CLIP1: variants seen among roughly 807,000 people sequenced by gnomAD.
CLIP1 encodes the protein CAP-Gly domain-containing linker protein 1.
In CLIP1, 66 loss-of-function variants were observed where a neutral mutation model predicts 161.6. That is an observed-to-expected ratio of 0.41 (90% CI 0.33 to 0.50). The LOEUF is 0.50. CLIP1 is among the 20% of genes least tolerant of loss of function. CLIP1 has a pLI of 0.27. For missense variants in CLIP1, 1,376 were observed against 1,702.0 expected, an observed-to-expected ratio of 0.81 and a Z score of 3.37; for synonymous variants, 598 against 626.2, an observed-to-expected ratio of 0.96 and a Z score of 0.67.
intron 3 of CLIP1, among the ~76,000 whole-genome samples, chr12:122,376,206 G>A (rs1954721604): frequency 6.6e-6 from 1 of 151,974 alleles, no homozygotes; most frequent in Admixed American, 6.5e-5. Flanking sequence ...CAAACTACTG[G>A]GATTACAGGA....
chr12:122,276,487 C>G (rs929203901), intron 24 of CLIP1: 3 of 1,288,426 alleles, frequency 2.3e-6, no homozygotes, highest in Admixed American at 4.6e-5. Flanking sequence ...TGAAACAAAC[C>G]GAAGCAGAAA....
chr12:122,390,303 T>C (rs1190770146), intron 1 of CLIP1, among the ~76,000 whole-genome samples: 4 of 131,432 alleles, frequency 3.0e-5, no homozygotes, highest in African/African-American at 5.8e-5. Flanking sequence ...TATATATATA[T>C]GTATATATAT....
At position 122,355,193 on chromosome 12, in the gene CLIP1, C is replaced by T; in HGVS notation, c.1125G>A (p.Arg375=). 6.2e-7 allele frequency: 1 copy of T among 1,614,252 alleles called. No homozygotes were observed. The highest frequency in any genetic ancestry group is 1.1e-5 in the South Asian group (1 of 91,086). The change falls in exon 6 of 26, where the codon AGG becomes AGA. Residue 375 remains arginine (R), a synonymous_variant. Coordinates refer to ENST00000620786, the MANE Select transcript of CLIP1 (RefSeq NM_001247997.2). The surrounding 1 kb of genome is among the most constrained non-coding windows in gnomAD (Gnocchi z 4.1). The part of the protein sequence containing the change: ...EQLLAERDLE[R]AEVAKATSHV... ...GGCTCGTGGCCTTGGCCACCTCCGC[C>T]CTCTCCAGATCCCGTTCCGCCAGCA...
At chr12:122,377,988 G>T (rs752813765) in intron 2 of CLIP1, 28 bp from the exon 3 acceptor site, 5 of 1,547,462 alleles carry the variant, frequency 3.2e-6, no homozygotes, top group Admixed American at 2.1e-5. Flanking sequence ...TAAGAGATTC[G>T]ATTTAATTTT....
intron 3 of CLIP1, among the ~76,000 whole-genome samples, chr12:122,369,206 A>C (rs1243009529): frequency 2.0e-5 from 3 of 152,018 alleles, no homozygotes; most frequent in Admixed American, 1.3e-4. Context: ...TTTTTAGTAG[A>C]GACAGGGTTT....
At chr12:122,274,297 C>T in intron 24 of CLIP1, 135 bp from the exon 25 acceptor site, 1 of 639,424 alleles carries the variant, frequency 1.6e-6, no homozygotes, top group South Asian at 1.8e-5. Flanking sequence ...TATTAGGAAC[C>T]CATGCTTTTC....
chr12:122,357,816 G>A (rs1355930092), intron 5 of CLIP1, among the ~76,000 whole-genome samples: 3 of 148,758 alleles, frequency 2.0e-5, no homozygotes, highest in Non-Finnish European at 3.0e-5. Flanking sequence ...AGGGAGGTGG[G>A]GGGGGTCAGC....
At chr12:122,319,393 A>G in intron 17 of CLIP1, 45 bp from the exon 18 acceptor site, 1 of 1,424,764 alleles carries the variant, frequency 7.0e-7, no homozygotes, top group Non-Finnish European at 9.9e-7. Context: ...AGCCCTCGCC[A>G]ACACCGTTAG....
chr12:122,379,511 C>T (rs56939641), intron 2 of CLIP1, among the ~76,000 whole-genome samples: 4,268 of 150,970 alleles, frequency 0.028, 221 homozygotes, highest in African/African-American at 0.099. Flanking sequence ...CTACTTGGGA[C>T]GCTGAGAGCC....
intron 20 of CLIP1, among the ~76,000 whole-genome samples, chr12:122,297,413 T>C (rs1434795113): frequency 1.3e-5 from 2 of 152,142 alleles, no homozygotes; most frequent in African/African-American, 4.8e-5. Flanking sequence ...AGGCACACAG[T>C]AGGCACTCAA....
At chr12:122,382,427 C>A (rs1955049295) in intron 1 of CLIP1, among the ~76,000 whole-genome samples, 1 of 151,238 alleles carries the variant, frequency 6.6e-6, no homozygotes, top group Non-Finnish European at 1.5e-5. Flanking sequence ...ACTTGGAAGG[C>A]TGAGGCACGA....
In CLIP1 at chr12:122,288,808, C is replaced by CTTTT. The variant is rs200069106; in HGVS notation, c.3595-271_3595-268dup. 5.0e-4 allele frequency among the ~76,000 whole-genome samples: 57 copies of CTTTT among 114,458 alleles called. 1 individual carries two copies. The highest frequency in any genetic ancestry group is 1.2e-3 in the African/African-American group (30 of 24,712). The allele number at this position is 114,458 out of a possible 152,430, so 75.1% of individuals were successfully genotyped here. On this transcript the variant is annotated intron_variant, in intron 20 of 25. Transcript: ENST00000620786. ...ACACCTTGAACACAACGAAGCACAT[C>CTTTT]TTTTTTTTTTTTTTTTTTTTTTTTT... is the stretch of plus-strand genomic sequence containing the variant.
intron 5 of CLIP1, among the ~76,000 whole-genome samples, chr12:122,360,070 A>G (rs1953698967): frequency 6.6e-6 from 1 of 152,154 alleles, no homozygotes; most frequent in African/African-American, 2.4e-5. Flanking sequence ...GAAAGGGACC[A>G]GGAGAAGAAG....
intron 1 of CLIP1, among the ~76,000 whole-genome samples, chr12:122,421,781 AAGGC>A (rs1297623659): frequency 1.3e-4 from 20 of 152,196 alleles, no homozygotes; most frequent in Non-Finnish European, 4.4e-5. Flanking sequence ...CGATTTTTGA[AAGGC>A]AGGACCTTCC....
chr12:122,395,680 G>A (rs1955884936), intron 1 of CLIP1: 2 of 152,198 alleles, frequency 1.3e-5, no homozygotes, highest in African/African-American at 2.4e-5. Flanking sequence ...GCAGAGACAA[G>A]CAAGTCCACC....
intron 3 of CLIP1, among the ~76,000 whole-genome samples, chr12:122,368,671 G>A (rs1270580225): frequency 6.6e-6 from 1 of 152,090 alleles, no homozygotes. Flanking sequence ...GGCCAGGTGG[G>A]GTGACTCATG....
intron 10 of CLIP1, among the ~76,000 whole-genome samples, chr12:122,345,787 T>C (rs769966717): frequency 1.1e-4 from 16 of 148,360 alleles, no homozygotes; most frequent in Non-Finnish European, 2.1e-4. Context: ...CTATTTCTTT[T>C]TCTTTTTTTT....
chr12:122,351,040 A>C (rs563603650), intron 9 of CLIP1, 71 bp downstream of exon 9: 2 of 1,161,180 alleles, frequency 1.7e-6, no homozygotes, highest in South Asian at 1.4e-5. Flanking sequence ...TGAGTATATC[A>C]ATAAGCATTT....
At chr12:122,318,108 A>T (rs1344750819) in intron 18 of CLIP1, among the ~76,000 whole-genome samples, 1 of 152,104 alleles carries the variant, frequency 6.6e-6, no homozygotes, top group Non-Finnish European at 1.5e-5. Flanking sequence ...ATTACCTCCA[A>T]ATGTTCATCT....
Sources: gnomAD v4.1 joint callset for allele counts (sites outside exome capture counted in the v4.1 genomes callset) on GRCh38, gnomAD v4.1.1 for gene constraint, Gnocchi (gnomAD v3.1) non-coding constraint, MANE v1.5 for transcripts, NCBI Gene and HGNC (gene_info 2026-07-23, HGNC 2026-07-21) for gene names.